MPG: variants seen among roughly 807,000 people sequenced by gnomAD.
MPG encodes DNA-3-methyladenine glycosylase.
MPG carries 33 observed loss-of-function variants against 31.7 expected under a neutral mutation model. The ratio of observed to expected loss-of-function variants is 1.04; its 90% CI spans 0.79 to 1.39. MPG has a LOEUF of 1.39. Ranked by LOEUF, MPG falls within the 40% of genes most tolerant of loss-of-function variation. MPG has a pLI of 0.00. For missense variants in MPG, 455 were observed against 415.5 expected, an observed-to-expected ratio of 1.10 and a Z score of -0.83; for synonymous variants, 202 against 169.2, an observed-to-expected ratio of 1.19 and a Z score of -1.51.
intron 1 of MPG, 105 bp downstream of exon 1, chr16:78,438 C>T (rs1172673665): frequency 3.0e-6 from 3 of 1,002,296 alleles, no homozygotes; most frequent in Non-Finnish European, 2.5e-6. Context: ...GCGTAGCGCC[C>T]ACCGCCCCGA....
In MPG at chr16:78,264, C is replaced by A; in HGVS notation, c.-46C>A. 1.5e-6 allele frequency: 2 copies of A among 1,369,794 alleles called. No homozygotes were observed. 84.9% of individuals were successfully genotyped at this position (1,369,794 alleles called of 1,614,324 possible). On this transcript the variant is annotated 5_prime_UTR_variant, in exon 1 of 4. Coordinates refer to ENST00000356432, the MANE Select transcript of MPG (RefSeq NM_001015052.3). ...TTCCGTGGTCGGCGGCTGCTGGGCT[C>A]CGCGCCGGGGTCCGAGTCCCACGAA... is the stretch of plus-strand genomic sequence containing the variant.
chr16:79,480 A>G lies in MPG; in HGVS notation c.80A>G (p.His27Arg). The change falls in exon 2 of 4, where the codon CAC becomes CGC. Residue 27 changes from histidine to arginine, a missense_variant. Physicochemically the swap from His to Arg is conservative, Grantham distance 29 (BLOSUM62 0). Coordinates refer to ENST00000356432, the MANE Select transcript of MPG (RefSeq NM_001015052.3). ...KQRPARAGQP[H>R]SSSDAAQAPA... Reference sequence around the variant, plus strand: ...CGACCAGCTAGAGCAGGGCAGCCACACAGCTCGTCCGACGCAGCCCAGGCA... The same window carrying G: ...CGACCAGCTAGAGCAGGGCAGCCACGCAGCTCGTCCGACGCAGCCCAGGCA... 6.2e-7 allele frequency: 1 copy of G among 1,612,732 alleles called. No homozygotes were observed. Among genetic ancestry groups the G allele is most frequent in the South Asian group, 1.1e-5 (1 of 91,070 alleles).
In MPG at chr16:79,185, G is replaced by C. The variant is rs1596483341; in HGVS notation, c.25-240G>C. On this transcript the variant is annotated intron_variant, in intron 1 of 3. Transcript: ENST00000356432. Reference sequence around the variant, plus strand: ...TGCCGTGCAGCTCGCACATATGTGGGGCAGAGCAGCCACCCTGCCCCCAGC... The same window carrying C: ...TGCCGTGCAGCTCGCACATATGTGGCGCAGAGCAGCCACCCTGCCCCCAGC... 1.9e-6 allele frequency: 3 copies of C among 1,545,100 alleles called. No homozygotes were observed. The African/African-American group carries it at 4.1e-5, about 21-fold the overall frequency.
intron 2 of MPG, among the ~76,000 whole-genome samples, chr16:80,843 T>TA (rs1898219522): frequency 6.6e-6 from 1 of 152,162 alleles, no homozygotes; most frequent in Non-Finnish European, 1.5e-5. Context: ...GCATTTGTGA[T>TA]ACAACAAAAC....
Position 79,191 on chromosome 16 carries a change from G to A in MPG, c.25-234G>A. 3 of 1,546,932 alleles carry A rather than the reference G, an allele frequency of 1.9e-6. No homozygotes were observed. In the South Asian group the frequency reaches 3.6e-5, roughly 18 times the overall value. On this transcript the variant is annotated intron_variant, in intron 1 of 3. Coordinates refer to ENST00000356432, the MANE Select transcript of MPG (RefSeq NM_001015052.3). ...GCAGCTCGCACATATGTGGGGCAGA[G>A]CAGCCACCCTGCCCCCAGCAGCAGC... is the stretch of plus-strand genomic sequence containing the variant.
In MPG at chr16:85,503, T is replaced by A; in HGVS notation, c.608T>A (p.Val203Asp). 6.2e-7 allele frequency: 1 copy of A among 1,613,338 alleles called. No homozygotes were observed. Among genetic ancestry groups the A allele is most frequent in the Non-Finnish European group, 8.5e-7 (1 of 1,180,026 alleles). ...STLRKGTASR[V>D]LKDRELCSGP... ...CTCCGGAAAGGCACCGCCAGCCGTGTCCTCAAGGACCGCGAGCTCTGCAGT... is the reference window on the plus strand; with the variant it reads ...CTCCGGAAAGGCACCGCCAGCCGTGACCTCAAGGACCGCGAGCTCTGCAGT... Residue 203 changes from valine to aspartate, a missense_variant, in exon 4 of 4, where the codon GTC (valine) becomes GAC (aspartate). Physicochemically the swap from Val to Asp is radical, Grantham distance 152. Coordinates refer to ENST00000356432, the MANE Select transcript of MPG (RefSeq NM_001015052.3).
chr16:82,978 G>GT (rs1898292062), intron 2 of MPG, 74 bp from the exon 3 acceptor site: 1 of 1,359,638 alleles, frequency 7.4e-7, no homozygotes, highest in Non-Finnish European at 1.0e-6. Flanking sequence ...GGGAGATGAG[G>GT]TCCAGGCTGG....
rs1286497938 is a variant in MPG, at chr16:78,282, C to G, written c.-28C>G. On this transcript the variant is annotated 5_prime_UTR_variant, in exon 1 of 4. Transcript: ENST00000356432. The stretch of plus-strand genomic sequence containing the variant: ...CTGGGCTCCGCGCCGGGGTCCGAGT[C>G]CCACGAAGCCCCGGCCCGAGCCGCC... The G allele has an allele frequency of 3.7e-6, 5 of 1,368,156 alleles. No homozygotes were observed. In the South Asian group the frequency reaches 4.7e-5, roughly 13 times the overall value. 84.8% of individuals were successfully genotyped at this position (1,368,156 alleles called of 1,614,324 possible).
chr16:83,095 G>T lies in MPG; in HGVS notation c.344G>T (p.Arg115Leu). 4 of 1,611,642 alleles carry T rather than the reference G, an allele frequency of 2.5e-6. No individual in the cohort carries two copies. The highest frequency in any genetic ancestry group is 1.7e-4 in the Middle Eastern group (1 of 6,048). The change falls in exon 3 of 4, where the codon CGC becomes CTC. Residue 115 changes from arginine to leucine, a missense_variant. Coordinates refer to ENST00000356432, the MANE Select transcript of MPG (RefSeq NM_001015052.3). The stretch of plus-strand genomic sequence containing the variant: ...CCTAATGGCACAGAACTCCGAGGCC[G>T]CATCGTGGAGACCGAGGCATACCTG... ...RLPNGTELRGRIVETEAYLGP... is the reference protein window; with the variant it reads ...RLPNGTELRGLIVETEAYLGP...
At chr16:83,623 C>A (rs977501204) in intron 3 of MPG, among the ~76,000 whole-genome samples, 1 of 152,068 alleles carries the variant, frequency 6.6e-6, no homozygotes, top group African/African-American at 2.4e-5. Context: ...CTCCTGTAAT[C>A]CCAGCTACTA....
At chr16:84,965 G>A (rs922823933) in intron 3 of MPG, among the ~76,000 whole-genome samples, 9 of 152,346 alleles carry the variant, frequency 5.9e-5, no homozygotes, top group South Asian at 2.1e-4. Context: ...CTGAATGATC[G>A]CACCCGAGGA....
chr16:78,017 C>G (rs1898134544), upstream of MPG: 1 of 272,330 alleles, frequency 3.7e-6, no homozygotes, highest in Non-Finnish European at 6.9e-6. Flanking sequence ...GTGCGGGGCT[C>G]GCCCCACCCC....
rs771696907 is a variant in MPG, at chr16:83,164, C to T, written c.413C>T (p.Thr138Ile). The T allele has an allele frequency of 1.9e-6, 3 of 1,613,054 alleles. No individual in the cohort carries two copies. Among genetic ancestry groups the T allele is most frequent in the African/African-American group, 2.7e-5 (2 of 75,018 alleles). ...GCCCACTCAAGGGGTGGCCGGCAGACCCCCCGCAACCGAGGCATGTTCATG... is the reference window on the plus strand; with the variant it reads ...GCCCACTCAAGGGGTGGCCGGCAGATCCCCCGCAACCGAGGCATGTTCATG... ...EAAHSRGGRQ[T>I]PRNRGMFMKP... The change falls in exon 3 of 4, where the codon ACC becomes ATC. Residue 138 changes from threonine to isoleucine, a missense_variant. Transcript: ENST00000356432.
At chr16:80,342 C>T (rs1035086356) in intron 2 of MPG, among the ~76,000 whole-genome samples, 3 of 152,236 alleles carry the variant, frequency 2.0e-5, no homozygotes, top group Admixed American at 1.3e-4. Flanking sequence ...AAGGCCTTCC[C>T]TTTGTCCTTT....
At chr16:83,511 C>G in intron 3 of MPG, 1 of 428,198 alleles carries the variant, frequency 2.3e-6, no homozygotes, top group Non-Finnish European at 4.2e-6. Flanking sequence ...GAGGCCGAGG[C>G]GGGCGGATCA....
intron 3 of MPG, 128 bp downstream of exon 3, chr16:83,384 C>A: frequency 1.0e-6 from 1 of 992,440 alleles, no homozygotes; most frequent in Non-Finnish European, 1.5e-6. Flanking sequence ...CCAGGCCAGG[C>A]CAGGGTTTCG....
At chr16:82,960 CT>C in intron 2 of MPG, 91 bp from the exon 3 acceptor site, 1 of 1,189,964 alleles carries the variant, frequency 8.4e-7, no homozygotes, top group Non-Finnish European at 1.2e-6. Context: ...CTGACACACC[CT>C]GAGCTGGGGA....
upstream of MPG, chr16:77,179 C>G (rs1401579508): frequency 6.6e-6 from 1 of 152,240 alleles, no homozygotes; most frequent in Non-Finnish European, 1.5e-5. Flanking sequence ...AAAAGCCCCT[C>G]GAGGGTTTTT....
Position 83,086 on chromosome 16 carries a change from T to G in MPG, c.335T>G (p.Leu112Arg), listed in dbSNP as rs780696394. 10 of 1,610,582 alleles carry G rather than the reference T, an allele frequency of 6.2e-6. No homozygotes were observed. The highest frequency in any genetic ancestry group is 6.8e-6 in the Non-Finnish European group (8 of 1,178,280). The change falls in exon 3 of 4, where the codon CTC becomes CGC. Residue 112 changes from leucine (L) to arginine (R), a missense_variant. Transcript: ENST00000356432. ...LVRRLPNGTE[L>R]RGRIVETEAY... ...CGGCGACTTCCTAATGGCACAGAAC[T>G]CCGAGGCCGCATCGTGGAGACCGAG...
Sources: allele counts gnomAD v4.1 joint callset (sites outside exome capture counted in the v4.1 genomes callset), GRCh38; gene constraint gnomAD v4.1.1; transcripts MANE v1.5; gene names NCBI Gene and HGNC (gene_info 2026-07-23, HGNC 2026-07-21).